The following WWOX variants were observed in gnomAD, a reference collection of about 807,000 sequenced individuals.
The protein encoded by WWOX is WW domain-containing oxidoreductase.
A neutral mutation model predicts 46.2 loss-of-function variants in WWOX; 69 were observed. The observed-to-expected ratio is 1.49, with a 90% CI of 1.23 to 1.82. The LOEUF (loss-of-function observed/expected upper bound fraction) is 1.82. WWOX is among the 40% of genes most tolerant of loss of function. WWOX has a pLI of 0.00. For synonymous variants in WWOX, 359 were observed against 202.6 expected (o/e 1.77, Z -6.56); for missense variants, 919 against 542.6 (o/e 1.69, Z -6.89).
intron 8 of WWOX, among the ~76,000 whole-genome samples, chr16:78,549,068 T>C (rs953358022): frequency 6.6e-6 from 1 of 152,192 alleles, no homozygotes; most frequent in Non-Finnish European, 1.5e-5. Flanking sequence ...TTTTAGAAGT[T>C]AGAATAAAGT....
At chr16:78,107,601 A>G (rs1249604018) in intron 1 of WWOX, among the ~76,000 whole-genome samples, 2 of 149,276 alleles carry the variant, frequency 1.3e-5, no homozygotes, top group Admixed American at 6.6e-5. Flanking sequence ...GTCTTACTGC[A>G]TCTCTTAACT....
intron 5 of WWOX, among the ~76,000 whole-genome samples, chr16:78,229,407 A>G (rs964111817): frequency 4.7e-5 from 7 of 150,496 alleles, no homozygotes; most frequent in African/African-American, 9.7e-5. Flanking sequence ...TTTTGTTGTC[A>G]TCGTTTTATG....
At chr16:78,156,580 C>T (rs937279970) in intron 4 of WWOX, among the ~76,000 whole-genome samples, 7 of 152,090 alleles carry the variant, frequency 4.6e-5, no homozygotes, top group Admixed American at 1.3e-4. Flanking sequence ...TGGCGAAATA[C>T]GGAGATTGGA....
chr16:78,541,877 C>T (rs1039038416), intron 8 of WWOX, among the ~76,000 whole-genome samples: 4 of 151,818 alleles, frequency 2.6e-5, no homozygotes, highest in African/African-American at 9.7e-5. Flanking sequence ...ACATACGTTG[C>T]TTTTGTAATA....
At position 78,858,144 on chromosome 16, in the gene WWOX, T is replaced by TTGTGTGTGTGTGTG. The variant is rs59637371; in HGVS notation, c.1057-353450_1057-353437dup. Among the ~76,000 whole-genome samples, 1,468 of 148,630 alleles carry TTGTGTGTGTGTGTG rather than the reference T, an allele frequency of 9.9e-3. 22 individuals are homozygous for TTGTGTGTGTGTGTG. Among genetic ancestry groups the TTGTGTGTGTGTGTG allele is most frequent in the African/African-American group, 0.022 (868 of 40,110 alleles). ...ACCTCTATATACATACATTGTGTGTTTGTGTGTGTGTGTGTGTGTGTGTGT... is the reference window on the plus strand; with the variant it reads ...ACCTCTATATACATACATTGTGTGTTTGTGTGTGTGTGTGTGTGTGTGTGTGTGTGTGTGTGTGT... On this transcript the variant is annotated intron_variant, in intron 8 of 8. Transcript: ENST00000566780.
chr16:78,886,437 C>G (rs1039218358), intron 8 of WWOX, among the ~76,000 whole-genome samples: 1 of 151,772 alleles, frequency 6.6e-6, no homozygotes, highest in Non-Finnish European at 1.5e-5. Flanking sequence ...ATTTCCTCTT[C>G]TTTTGGACAT....
intron 8 of WWOX, among the ~76,000 whole-genome samples, chr16:78,438,746 G>T (rs2083384546): frequency 6.6e-6 from 1 of 152,126 alleles, no homozygotes; most frequent in Non-Finnish European, 1.5e-5. Flanking sequence ...CGACGATCGG[G>T]TTACGTTTCC....
Position 78,228,416 on chromosome 16 carries a change from ACTGCAGCCTTGACCTC to A in WWOX, c.516+64131_516+64146del, listed in dbSNP as rs2037141174. On this transcript the variant is annotated intron_variant, in intron 5 of 8. Coordinates refer to ENST00000566780, the MANE Select transcript of WWOX (RefSeq NM_016373.4). ...GAATGCAGTGGTGTGATCTCAGCTC[ACTGCAGCCTTGACCTC>A]CTGGGTTCAAGAGATCCTCCCACCT... Among the ~76,000 whole-genome samples the A allele has an allele frequency of 2.1e-5, 3 of 140,878 alleles. No homozygotes were observed. In the South Asian group the frequency reaches 6.5e-4, roughly 31 times the overall value. The allele number at this position is 140,878 out of a possible 152,430, so 92.4% of individuals were successfully genotyped here.
At chr16:78,644,564 T>C (rs781515255) in intron 8 of WWOX, among the ~76,000 whole-genome samples, 6 of 152,112 alleles carry the variant, frequency 3.9e-5, no homozygotes, top group Middle Eastern at 3.4e-3. Context: ...CAGGTTCAAA[T>C]GATTTTCCTG....
intron 8 of WWOX, among the ~76,000 whole-genome samples, chr16:79,025,704 C>CCCTTTATTGAT: frequency 6.6e-6 from 1 of 151,956 alleles, no homozygotes; most frequent in Middle Eastern, 3.4e-3. Context: ...ATGCAGGAAA[C>CCCTTTATTGAT]TAATATACCC....
chr16:78,182,757 C>A (rs1414532416), intron 5 of WWOX, among the ~76,000 whole-genome samples: 2 of 151,810 alleles, frequency 1.3e-5, no homozygotes, highest in African/African-American at 4.8e-5. Context: ...TCGAGACCAT[C>A]CTGGCTAACA....
intron 8 of WWOX, among the ~76,000 whole-genome samples, chr16:78,798,495 A>G (rs1295902833): frequency 6.6e-6 from 1 of 151,890 alleles, no homozygotes; most frequent in African/African-American, 2.4e-5. Context: ...ATTATTGTAC[A>G]GCCTGTACTT....
intron 5 of WWOX, among the ~76,000 whole-genome samples, chr16:78,195,136 C>T (rs973316578): frequency 1.3e-5 from 2 of 152,172 alleles, no homozygotes; most frequent in Non-Finnish European, 2.9e-5. Context: ...TTCCTTGGTG[C>T]CTGCTGGTAC....
intron 8 of WWOX, among the ~76,000 whole-genome samples, chr16:78,445,385 A>G (rs1380227147): frequency 6.6e-6 from 1 of 152,212 alleles, no homozygotes; most frequent in African/African-American, 2.4e-5. Flanking sequence ...CATTCAACAA[A>G]TATTATTGAG....
At chr16:78,234,329 C>G (rs2037367168) in intron 5 of WWOX, among the ~76,000 whole-genome samples, 1 of 152,054 alleles carries the variant, frequency 6.6e-6, no homozygotes, top group Non-Finnish European at 1.5e-5. Flanking sequence ...CAATTCCTCC[C>G]TGTTATTACA....
chr16:78,648,247 A>C (rs2046888432), intron 8 of WWOX, among the ~76,000 whole-genome samples: 1 of 152,166 alleles, frequency 6.6e-6, no homozygotes, highest in Non-Finnish European at 1.5e-5. Context: ...ACAAAGACCC[A>C]AGGTGGTGAG....
intron 8 of WWOX, among the ~76,000 whole-genome samples, chr16:78,529,523 A>T (rs578139446): frequency 6.6e-6 from 1 of 151,822 alleles, no homozygotes; most frequent in Admixed American, 6.6e-5. Flanking sequence ...CTGGAATGCA[A>T]TGGCAAGATC....
In WWOX at chr16:78,154,195, A is replaced by G. The variant is rs549951908; in HGVS notation, c.410-9988A>G. ...TTTGTAGATTTTTTTTGCTTCCTACATGATTTTCTAATTTATACCTTGAGC... is the reference window on the plus strand; with the variant it reads ...TTTGTAGATTTTTTTTGCTTCCTACGTGATTTTCTAATTTATACCTTGAGC... On this transcript the variant is annotated intron_variant, in intron 4 of 8. Transcript: ENST00000566780. Among the ~76,000 whole-genome samples the G allele has an allele frequency of 7.2e-5, 11 of 152,222 alleles. No homozygotes were observed. The South Asian group carries it at 1.5e-3, about 20-fold the overall frequency.
chr16:79,015,256 A>G (rs2047390133), intron 8 of WWOX, among the ~76,000 whole-genome samples: 1 of 152,128 alleles, frequency 6.6e-6, no homozygotes, highest in Non-Finnish European at 1.5e-5. Context: ...AGCTAAGGGG[A>G]AAAAGCGAGA....
Sources: allele counts gnomAD v4.1 joint callset (sites outside exome capture counted in the v4.1 genomes callset), GRCh38; gene constraint gnomAD v4.1.1; transcripts MANE v1.5; gene names NCBI Gene and HGNC (gene_info 2026-07-23, HGNC 2026-07-21).